Variants in CCDC171 observed in about 807,000 individuals in gnomAD.
CCDC171 encodes coiled-coil domain-containing protein 171.
In CCDC171, 177 loss-of-function variants were observed where a neutral mutation model predicts 168.2. The ratio of observed to expected loss-of-function variants is 1.05; its 90% CI spans 0.93 to 1.19. The LOEUF (loss-of-function observed/expected upper bound fraction) is 1.19, where lower values mean the gene tolerates loss of function less well. CCDC171 is among the 50% of genes most tolerant of loss of function. The pLI is 0.00. For synonymous variants in CCDC171, 687 were observed against 540.8 expected (o/e 1.27, Z -3.75); for missense variants, 1,991 against 1,539.0 (o/e 1.29, Z -4.91).
intron 18 of CCDC171, among the ~76,000 whole-genome samples, chr9:15,752,201 G>A (rs1181427318): frequency 1.3e-5 from 2 of 152,148 alleles, no homozygotes; most frequent in African/African-American, 4.8e-5. Context: ...AAACCACAAC[G>A]AGTTACCATC....
At chr9:15,740,917 G>A (rs2054834316) in intron 16 of CCDC171, among the ~76,000 whole-genome samples, 1 of 152,142 alleles carries the variant, frequency 6.6e-6, no homozygotes, top group Non-Finnish European at 1.5e-5. Context: ...TTTGTGATGA[G>A]TTAGGCTGTT....
intron 23 of CCDC171, among the ~76,000 whole-genome samples, chr9:15,867,995 A>AATTTGATTTGAATAGTCAGTTTT (rs2061863251): frequency 6.6e-6 from 1 of 152,064 alleles, no homozygotes; most frequent in Non-Finnish European, 1.5e-5. Context: ...CCAGCTTGAT[A>AATTTGATTTGAATAGTCAGTTTT]ATTTGATTTG....
chr9:15,640,039 AT>A (rs2046480605), intron 7 of CCDC171, among the ~76,000 whole-genome samples: 1 of 152,166 alleles, frequency 6.6e-6, no homozygotes, highest in Admixed American at 6.5e-5. Flanking sequence ...TAGGTACTCT[AT>A]AAATGTTCCA....
At chr9:15,796,269 G>A (rs192578100) in intron 21 of CCDC171, among the ~76,000 whole-genome samples, 21 of 152,180 alleles carry the variant, frequency 1.4e-4, no homozygotes, top group African/African-American at 5.1e-4. Flanking sequence ...TAAGAAAGCT[G>A]AGGAAATAAC....
chr9:15,691,243 C>G (rs1292305600), intron 10 of CCDC171, among the ~76,000 whole-genome samples: 1 of 151,870 alleles, frequency 6.6e-6, no homozygotes, highest in South Asian at 2.1e-4. Flanking sequence ...TATGGTACAT[C>G]TGACCAATGG....
At chr9:15,748,920 A>T (rs2134757801) in intron 18 of CCDC171, among the ~76,000 whole-genome samples, 1 of 152,324 alleles carries the variant, frequency 6.6e-6, no homozygotes, top group African/African-American at 2.4e-5. Flanking sequence ...AACGGGCAAA[A>T]TAACCAGCTA....
At chr9:16,072,342 C>G in the CCDC171 span, among the ~76,000 whole-genome samples, 7 of 152,190 alleles carry the variant, frequency 4.6e-5, no homozygotes, top group African/African-American at 9.6e-5. Context: ...CTCCTGGTCT[C>G]TCCTTTATTC....
intron 3 of CCDC171, among the ~76,000 whole-genome samples, chr9:16,019,829 G>T (rs1328333466): frequency 6.6e-6 from 1 of 152,160 alleles, no homozygotes; most frequent in African/African-American, 2.4e-5. Flanking sequence ...GATTTCAAGG[G>T]TATCAAAGGG....
At chr9:16,093,884 T>G in the CCDC171 span, among the ~76,000 whole-genome samples, 33,902 of 152,120 alleles carry the variant, frequency 0.22, 3,930 homozygotes, top group Non-Finnish European at 0.24. Flanking sequence ...ATAGGAAATA[T>G]AATAGATAAA....
chr9:15,709,156 A>G (rs1431173179), intron 11 of CCDC171, among the ~76,000 whole-genome samples: 1 of 152,188 alleles, frequency 6.6e-6, no homozygotes, highest in Admixed American at 6.5e-5. Flanking sequence ...CCTTTTTCAA[A>G]TGGGATTAAT....
chr9:16,082,774 T>A, the CCDC171 span, among the ~76,000 whole-genome samples: 5 of 152,210 alleles, frequency 3.3e-5, no homozygotes, highest in African/African-American at 1.2e-4. Context: ...AAATCATTCT[T>A]CTCAGGTGGA....
intron 3 of CCDC171, among the ~76,000 whole-genome samples, chr9:16,002,615 G>A (rs1423975622): frequency 6.6e-6 from 1 of 152,114 alleles, no homozygotes. Context: ...AGAAAGAAAA[G>A]TATTTTTATA....
At chr9:15,892,931 A>G (rs1243049751) in intron 24 of CCDC171, among the ~76,000 whole-genome samples, 1 of 152,170 alleles carries the variant, frequency 6.6e-6, no homozygotes, top group African/African-American at 2.4e-5. Flanking sequence ...ATTAGAAAAA[A>G]CTATTTTAAA....
chr9:15,870,839 T>C (rs1175899404), intron 23 of CCDC171, among the ~76,000 whole-genome samples: 1 of 151,616 alleles, frequency 6.6e-6, no homozygotes, highest in African/African-American at 2.4e-5. Flanking sequence ...AAACATTGTT[T>C]ACTTGTGAGT....
At position 15,677,798 on chromosome 9, in the gene CCDC171, CAT is replaced by C. The variant is rs1279581169; in HGVS notation, c.1077-952_1077-951del. 4.4e-5 allele frequency among the ~76,000 whole-genome samples: 6 copies of C among 135,158 alleles called. No individual in the cohort carries two copies. The South Asian group carries it at 7.2e-4, about 16-fold the overall frequency. 88.7% of individuals were successfully genotyped at this position (135,158 alleles called of 152,430 possible). A position where few individuals can be genotyped will look rare whatever the true frequency, so the allele number is the denominator to read the frequency against. On this transcript the variant is annotated intron_variant, in intron 9 of 25. Transcript: ENST00000380701. ...GTGTGTGTGTATATATACCCCATCT[CAT>C]ATATATACACACACACACGCGCACA...
At position 15,699,793 on chromosome 9, in the gene CCDC171, A is replaced by C. The variant is rs544336655; in HGVS notation, c.1318+4456A>C. Among the ~76,000 whole-genome samples the C allele has an allele frequency of 2.0e-3, 303 of 152,318 alleles. 2 individuals carry two copies. Among genetic ancestry groups the C allele is most frequent in the African/African-American group, 7.0e-3 (289 of 41,570 alleles). On this transcript the variant is annotated intron_variant, in intron 11 of 25. Coordinates refer to ENST00000380701, the MANE Select transcript of CCDC171 (RefSeq NM_173550.4). The stretch of plus-strand genomic sequence containing the variant: ...AGACATAAAGGTTCTCCAAGGTCCC[A>C]CCAGAGTAGCCAGATACAGAGTGAC...
intron 24 of CCDC171, among the ~76,000 whole-genome samples, chr9:15,877,580 A>G (rs1008300719): frequency 1.3e-5 from 2 of 152,226 alleles, no homozygotes; most frequent in African/African-American, 4.8e-5. Context: ...TCTCCAGTGA[A>G]ACCTTTCGTT....
chr9:15,851,070 C>G lies in CCDC171; in HGVS notation c.3468+2123C>G, dbSNP rs117150354. 3.0e-3 allele frequency among the ~76,000 whole-genome samples: 452 copies of G among 152,058 alleles called. 1 individual carries two copies. Among genetic ancestry groups the G allele is most frequent in the Admixed American group, 7.7e-3 (117 of 15,224 alleles). On this transcript the variant is annotated intron_variant, in intron 23 of 25. Coordinates refer to ENST00000380701, the MANE Select transcript of CCDC171 (RefSeq NM_173550.4). Reference sequence around the variant, plus strand: ...CACAATAATCAAATAGAAGAAAGAACTTGTTTTCCTGCAGACGTTATTTCT... The same window carrying G: ...CACAATAATCAAATAGAAGAAAGAAGTTGTTTTCCTGCAGACGTTATTTCT...
intron 18 of CCDC171, among the ~76,000 whole-genome samples, chr9:15,759,140 C>T (rs554597101): frequency 6.6e-6 from 1 of 152,284 alleles, no homozygotes; most frequent in South Asian, 2.1e-4. Flanking sequence ...CTCCTTTCCT[C>T]CTATCCATCC....
Sources: allele counts gnomAD v4.1 joint callset (sites outside exome capture counted in the v4.1 genomes callset), GRCh38; gene constraint gnomAD v4.1.1; transcripts MANE v1.5; gene names NCBI Gene and HGNC (gene_info 2026-07-23, HGNC 2026-07-21).